ABI2: variants seen among roughly 807,000 people sequenced by gnomAD.
ABI2 encodes the protein abl interactor 2.
A neutral mutation model predicts 59.2 loss-of-function variants in ABI2; 25 were observed. The ratio of observed to expected loss-of-function variants is 0.42; its 90% CI spans 0.31 to 0.59. The LOEUF (loss-of-function observed/expected upper bound fraction) is 0.59. Ranked by LOEUF, ABI2 falls within the 20% of genes least tolerant of loss-of-function variation. ABI2 has a pLI of 0.14. For synonymous variants in ABI2, 213 were observed against 235.5 expected (o/e 0.90, Z 0.87); for missense variants, 545 against 681.8 (o/e 0.80, Z 2.23).
At chr2:203,408,185 G>A (rs1165152464) in intron 9 of ABI2, among the ~76,000 whole-genome samples, 3 of 145,816 alleles carry the variant, frequency 2.1e-5, no homozygotes, top group African/African-American at 7.7e-5. Context: ...TTTTTGAGAT[G>A]GAGTTTTGCT....
chr2:203,399,857 T>A (rs564275066), intron 8 of ABI2, among the ~76,000 whole-genome samples: 1 of 152,286 alleles, frequency 6.6e-6, no homozygotes, highest in Admixed American at 6.5e-5. Context: ...ATAGCAGAAA[T>A]TCTTCATTTT....
intron 1 of ABI2, among the ~76,000 whole-genome samples, chr2:203,366,623 T>C (rs1416224799): frequency 6.6e-6 from 1 of 152,200 alleles, no homozygotes; most frequent in Non-Finnish European, 1.5e-5. Flanking sequence ...GGATCTCATT[T>C]TCTAGATAAT....
At chr2:203,413,195 A>G (rs1344347152) in intron 10 of ABI2, among the ~76,000 whole-genome samples, 1 of 152,228 alleles carries the variant, frequency 6.6e-6, no homozygotes, top group African/African-American at 2.4e-5. Flanking sequence ...TTTGAAACTG[A>G]CATTGAAGAC....
rs569919396 is a variant in ABI2, at chr2:203,354,304, A to G, written c.118-12573A>G. 1.4e-4 allele frequency among the ~76,000 whole-genome samples: 21 copies of G among 152,274 alleles called. 1 individual carries two copies. Among genetic ancestry groups the G allele is most frequent in the African/African-American group, 5.1e-4 (21 of 41,552 alleles). ...AGTGATCTTCTCGCCTCAGCCTCCC[A>G]AAGTGCTGGGATTACAGGTGTGAGC... On this transcript the variant is annotated intron_variant, in intron 1 of 11. Transcript: ENST00000261018.
At chr2:203,388,393 G>C (rs2096614230) in intron 4 of ABI2, among the ~76,000 whole-genome samples, 1 of 152,018 alleles carries the variant, frequency 6.6e-6, no homozygotes, top group Non-Finnish European at 1.5e-5. Flanking sequence ...TATATTCATA[G>C]AAATGTTGGC....
At chr2:203,372,275 C>T (rs1486629965) in intron 2 of ABI2, among the ~76,000 whole-genome samples, 2 of 152,204 alleles carry the variant, frequency 1.3e-5, no homozygotes, top group African/African-American at 4.8e-5. Flanking sequence ...GATCCCAAGG[C>T]AGAAGAATTT....
Position 203,359,617 on chromosome 2 carries a change from G to A in ABI2, c.118-7260G>A, listed in dbSNP as rs2093066161. Among the ~76,000 whole-genome samples the A allele has an allele frequency of 2.0e-5, 3 of 152,104 alleles. No individual in the cohort carries two copies. The South Asian group carries it at 6.2e-4, about 31-fold the overall frequency. ...TTATTGCTTGCAGTTCTAGAGGCTG[G>A]GAAGTCCAAGATCAAGACGTCAGCA... is the stretch of plus-strand genomic sequence containing the variant. On this transcript the variant is annotated intron_variant, in intron 1 of 11. Transcript: ENST00000261018.
intron 1 of ABI2, among the ~76,000 whole-genome samples, chr2:203,337,517 C>T (rs1047341627): frequency 2.6e-5 from 4 of 152,164 alleles, no homozygotes; most frequent in South Asian, 2.1e-4. Flanking sequence ...GAAGATATCC[C>T]GTGCTCATGA....
chr2:203,374,498 C>CAAAAA (rs777951265), intron 2 of ABI2, among the ~76,000 whole-genome samples: 20 of 53,816 alleles, frequency 3.7e-4, no homozygotes, highest in African/African-American at 1.4e-3. Context: ...GACTCTGTCT[C>CAAAAA]AAAAAAAAAA....
At chr2:203,360,184 C>CAAAAAAAAAAAAAAAAAA (rs58857922) in intron 1 of ABI2, among the ~76,000 whole-genome samples, 1 of 70,904 alleles carries the variant, frequency 1.4e-5, no homozygotes, top group Non-Finnish European at 2.7e-5. Flanking sequence ...GACTCCATCT[C>CAAAAAAAAAAAAAAAAAA]AAAAAAAAAA....
At chr2:203,415,264 CT>C (rs1432448950) in intron 10 of ABI2, among the ~76,000 whole-genome samples, 1 of 152,120 alleles carries the variant, frequency 6.6e-6, no homozygotes, top group Admixed American at 6.5e-5. Context: ...GGGAAGAATA[CT>C]GATAAGACAG....
At position 203,429,288 on chromosome 2, in the gene ABI2, A is replaced by T. The variant is rs2098464238; in HGVS notation, c.*1936A>T. ...GGCCCTGAATGTCCTCTGAGCCTTC[A>T]GCTCCATTATGGACCCAAACTAGAC... On this transcript the variant is annotated 3_prime_UTR_variant, in exon 12 of 12. Transcript: ENST00000261018. The T allele has an allele frequency of 6.6e-6, 1 of 152,230 alleles. No homozygotes were observed. Among genetic ancestry groups the T allele is most frequent in the Admixed American group, 6.5e-5 (1 of 15,284 alleles). 9.4% of individuals were successfully genotyped at this position (152,230 alleles called of 1,614,324 possible).
In ABI2 at chr2:203,403,632, G is replaced by C. The variant is rs2443792; in HGVS notation, c.1192+898G>C. Reference sequence around the variant, plus strand: ...TTAGAATCACGTACAAAATAAGATTGGTGATCATTTTCTTATATCTTATAG... The same window carrying C: ...TTAGAATCACGTACAAAATAAGATTCGTGATCATTTTCTTATATCTTATAG... On this transcript the variant is annotated intron_variant, in intron 9 of 11. Coordinates refer to ENST00000261018, the MANE Select transcript of ABI2 (RefSeq NM_001375670.1). 4.3e-3 allele frequency among the ~76,000 whole-genome samples: 377 copies of C among 88,138 alleles called. 2 individuals carry two copies. The highest frequency in any genetic ancestry group is 0.011 in the African/African-American group (321 of 29,920). The allele number at this position is 88,138 out of a possible 152,430, so 57.8% of individuals were successfully genotyped here. A position where few individuals can be genotyped will look rare whatever the true frequency, so the allele number is the denominator to read the frequency against.
chr2:203,338,471 C>T (rs983316303), intron 1 of ABI2, among the ~76,000 whole-genome samples: 3 of 151,900 alleles, frequency 2.0e-5, no homozygotes, highest in African/African-American at 4.8e-5. Flanking sequence ...GCTTGGTTCA[C>T]GTGAGAACTG....
chr2:203,397,218 A>G (rs141263734), intron 8 of ABI2, among the ~76,000 whole-genome samples: 73 of 152,292 alleles, frequency 4.8e-4, no homozygotes, highest in African/African-American at 1.7e-3. Context: ...TTCATTTATT[A>G]GAGATTTTTA....
At chr2:203,425,133 G>A (rs1396284303) in intron 11 of ABI2, among the ~76,000 whole-genome samples, 3 of 151,464 alleles carry the variant, frequency 2.0e-5, no homozygotes, top group Non-Finnish European at 2.9e-5. Flanking sequence ...TGTAGATAGA[G>A]CTTACTAACT....
intron 1 of ABI2, among the ~76,000 whole-genome samples, chr2:203,364,243 G>C (rs1577111731): frequency 6.6e-6 from 1 of 151,246 alleles, no homozygotes; most frequent in East Asian, 2.0e-4. Flanking sequence ...ACAGGCATCT[G>C]TCACCACACC....
chr2:203,335,826 G>C (rs960562993), intron 1 of ABI2, among the ~76,000 whole-genome samples: 1 of 152,100 alleles, frequency 6.6e-6, no homozygotes, highest in African/African-American at 2.4e-5. Context: ...GGTTTATTGA[G>C]TTTTAATACA....
In ABI2 at chr2:203,427,196, T is replaced by C. The variant is rs1215900892; in HGVS notation, c.1473T>C (p.Tyr491=). 6.2e-7 allele frequency: 1 copy of C among 1,614,018 alleles called. No individual in the cohort carries two copies. Among genetic ancestry groups the C allele is most frequent in the Non-Finnish European group, 8.5e-7 (1 of 1,179,962 alleles). Residue 491 remains tyrosine, a synonymous_variant, in exon 12 of 12, where the codon TAT becomes TAC. Transcript: ENST00000261018. ...TCCTAGTTGTGGCAATTTATGACTA[T>C]ACAAAAGACAAGGAAGATGAGCTGT... The part of the protein sequence containing the change: ...YLEKVVAIYD[Y]TKDKEDELSF...
Sources: allele counts gnomAD v4.1 joint callset (sites outside exome capture counted in the v4.1 genomes callset), GRCh38; gene constraint gnomAD v4.1.1; transcripts MANE v1.5; gene names NCBI Gene and HGNC (gene_info 2026-07-23, HGNC 2026-07-21).